Variants in PDE4B observed in about 807,000 individuals in gnomAD.
PDE4B encodes the protein phosphodiesterase 4B.
A neutral mutation model predicts 82.2 loss-of-function variants in PDE4B; 20 were observed. The ratio of observed to expected loss-of-function variants is 0.24; its 90% confidence interval spans 0.17 to 0.35. The LOEUF is 0.35. Ranked by LOEUF, PDE4B falls within the 10% of genes least tolerant of loss-of-function variation. The pLI is 1.00. For synonymous variants in PDE4B, 320 were observed against 318.9 expected, an observed-to-expected ratio of 1.00 and a Z score of -0.04; for missense variants, 655 against 907.2, an observed-to-expected ratio of 0.72 and a Z score of 3.57.
At chr1:66,336,825 G>T (rs533313196) in intron 8 of PDE4B, among the ~76,000 whole-genome samples, 94 of 152,126 alleles carry the variant, frequency 6.2e-4, no homozygotes, top group Admixed American at 1.2e-3. Context: ...AGTTCTTCAG[G>T]TGCAGCCATA....
chr1:65,924,907 G>T (rs528391713), intron 3 of PDE4B, among the ~76,000 whole-genome samples: 2 of 152,316 alleles, frequency 1.3e-5, no homozygotes, highest in Admixed American at 1.3e-4. Context: ...AGAGGTCAAA[G>T]TATTTTTACA....
intron 3 of PDE4B, among the ~76,000 whole-genome samples, chr1:66,246,993 C>A (rs1653364128): frequency 1.3e-5 from 2 of 152,180 alleles, no homozygotes; most frequent in Admixed American, 1.3e-4. Context: ...TTTAATGAGA[C>A]TGTGATATTT....
chr1:65,954,631 TAA>T (rs1296398791), intron 3 of PDE4B, among the ~76,000 whole-genome samples: 1 of 152,106 alleles, frequency 6.6e-6, no homozygotes, highest in African/African-American at 2.4e-5. Context: ...GAGTTTTACT[TAA>T]GTTTCTTTTT....
chr1:65,818,704 A>ATATATATATATATATAT (rs1553187330), intron 1 of PDE4B, among the ~76,000 whole-genome samples: 1 of 148,926 alleles, frequency 6.7e-6, no homozygotes, highest in East Asian at 1.9e-4. Context: ...ATATATATAT[A>ATATATATATATATATAT]AAATAACAAA....
In PDE4B at chr1:66,247,479, C is replaced by T; in HGVS notation, c.301C>T (p.Pro101Ser). 6.3e-7 allele frequency: 1 copy of T among 1,578,948 alleles called. No individual in the cohort carries two copies. The highest frequency in any genetic ancestry group is 8.6e-7 in the Non-Finnish European group (1 of 1,164,828). Residue 101 changes from proline (P) to serine (S), a missense_variant, in exon 4 of 17, where the codon CCT (proline) becomes TCT (serine). Physicochemically the swap from Pro to Ser is moderately conservative, Grantham distance 74 (BLOSUM62 -1). Around this residue, in one of 3 missense-constraint regions of PDE4B, gnomAD observed 253 missense variants for 275.6 expected, o/e 0.92. Transcript: ENST00000341517. Reference protein sequence around the residue: ...SQECFDVENGPSPGRSPLDPQ... With the variant: ...SQECFDVENGSSPGRSPLDPQ... ...TTTAAGCTTTGATGTGGAAAATGGC[C>T]CTTCCCCAGGTCGGAGTCCACTGGA...
chr1:66,267,311 A>G (rs1436123916), intron 7 of PDE4B: 1 of 152,266 alleles, frequency 6.6e-6, no homozygotes, highest in Non-Finnish European at 1.5e-5. Context: ...TTATAAAAAG[A>G]AACAAAATAG....
At chr1:65,909,289 CT>C (rs1647061541) in intron 1 of PDE4B, among the ~76,000 whole-genome samples, 1 of 152,022 alleles carries the variant, frequency 6.6e-6, no homozygotes, top group Admixed American at 6.6e-5. Flanking sequence ...CAAAATATTA[CT>C]TTTGTTTTTC....
At chr1:65,982,188 T>C (rs1650723060) in intron 3 of PDE4B, among the ~76,000 whole-genome samples, 1 of 152,212 alleles carries the variant, frequency 6.6e-6, no homozygotes, top group South Asian at 2.1e-4. Context: ...TCTTGGAAAC[T>C]GGAGGAACGG....
At chr1:65,804,332 T>A (rs1007285640) in intron 1 of PDE4B, among the ~76,000 whole-genome samples, 2 of 152,258 alleles carry the variant, frequency 1.3e-5, no homozygotes, top group African/African-American at 4.8e-5. Context: ...AAGTGGTGTA[T>A]GCTAAAGAGA....
At chr1:66,050,123 A>G (rs2291980) in intron 3 of PDE4B, among the ~76,000 whole-genome samples, 13,287 of 152,146 alleles carry the variant, frequency 0.087, 1,039 homozygotes, top group East Asian at 0.26. Flanking sequence ...ATTAAAGAAT[A>G]CAGGATATAC....
chr1:65,825,453 C>T (rs1306671426), intron 1 of PDE4B, among the ~76,000 whole-genome samples: 3 of 152,146 alleles, frequency 2.0e-5, no homozygotes, highest in Non-Finnish European at 4.4e-5. Context: ...GTTTGCTGCT[C>T]ATGGATTTTC....
intron 3 of PDE4B, among the ~76,000 whole-genome samples, chr1:65,963,376 C>T (rs555162336): frequency 6.6e-6 from 1 of 152,314 alleles, no homozygotes; most frequent in South Asian, 2.1e-4. Flanking sequence ...ATGCCCAGCA[C>T]AGCGAGGAGA....
intron 3 of PDE4B, among the ~76,000 whole-genome samples, chr1:66,010,495 ACTAT>A (rs1233923386): frequency 1.3e-5 from 2 of 151,848 alleles, no homozygotes; most frequent in African/African-American, 4.8e-5. Flanking sequence ...TACCTAGTAT[ACTAT>A]CTAATTTATT....
At chr1:66,238,599 A>T (rs1652645082) in intron 3 of PDE4B, among the ~76,000 whole-genome samples, 1 of 152,162 alleles carries the variant, frequency 6.6e-6, no homozygotes, top group African/African-American at 2.4e-5. Flanking sequence ...GTTTCTGTAT[A>T]GAGTGGATAG....
chr1:65,896,117 T>C (rs1256886913), intron 1 of PDE4B, among the ~76,000 whole-genome samples: 1 of 152,018 alleles, frequency 6.6e-6, no homozygotes, highest in Non-Finnish European at 1.5e-5. Flanking sequence ...TGTGTATGTG[T>C]TACTAGTCTG....
intron 3 of PDE4B, among the ~76,000 whole-genome samples, chr1:66,009,905 T>TTATCTATCTGTCTATC (rs1553132013): frequency 1.2e-3 from 156 of 130,556 alleles, no homozygotes; most frequent in East Asian, 2.4e-3. Flanking sequence ...ATCTGTATCT[T>TTATCTATCTGTCTATC]TATCTATCTA....
intron 7 of PDE4B, chr1:66,330,769 C>G (rs747253083): frequency 1.0e-6 from 1 of 985,148 alleles, no homozygotes; most frequent in Non-Finnish European, 1.2e-6. Context: ...TTCGGACACA[C>G]TAGAGAGTAA....
intron 7 of PDE4B, among the ~76,000 whole-genome samples, chr1:66,323,353 T>G (rs1197528708): frequency 1.3e-5 from 2 of 152,190 alleles, no homozygotes; most frequent in African/African-American, 4.8e-5. Context: ...ACTTTTCAGA[T>G]TTTGGGTCCC....
chr1:66,248,151 C>G (rs1409701762), intron 4 of PDE4B, among the ~76,000 whole-genome samples: 1 of 152,162 alleles, frequency 6.6e-6, no homozygotes, highest in Non-Finnish European at 1.5e-5. Context: ...ACACAATGCC[C>G]ACTTGTTGCC....
Sources: allele counts gnomAD v4.1 joint callset (sites outside exome capture counted in the v4.1 genomes callset), GRCh38; gene constraint gnomAD v4.1.1; regional missense constraint gnomAD v4.1.1; transcripts MANE v1.5; gene names NCBI Gene and HGNC (gene_info 2026-07-23, HGNC 2026-07-21).